Variants in ELL2 observed in about 807,000 individuals in gnomAD.
ELL2 encodes the protein RNA polymerase II elongation factor ELL2.
ELL2 carries 21 observed loss-of-function variants against 72.8 expected under a neutral mutation model. That is an observed-to-expected ratio of 0.29 (90% confidence interval 0.20 to 0.42). The LOEUF (loss-of-function observed/expected upper bound fraction) is 0.42, where lower values mean the gene tolerates loss of function less well. Among genes scored for constraint, ELL2 ranks in the 10% least tolerant of loss-of-function variants. The probability of loss-of-function intolerance (pLI) is 1.00; values close to 1 mark genes in which losing one functional copy is unlikely to be tolerated. For synonymous variants in ELL2, 266 were observed against 283.2 expected (o/e 0.94, Z 0.61); for missense variants, 568 against 772.8 (o/e 0.73, Z 3.14).
At chr5:95,902,257 C>T (rs1052556415) in intron 5 of ELL2, among the ~76,000 whole-genome samples, 10 of 152,226 alleles carry the variant, frequency 6.6e-5, no homozygotes, top group Non-Finnish European at 1.2e-4. Flanking sequence ...TGGATAACCA[C>T]GCTTGCTCCT....
At chr5:95,951,165 C>A (rs914629572) in intron 1 of ELL2, among the ~76,000 whole-genome samples, 3 of 151,090 alleles carry the variant, frequency 2.0e-5, no homozygotes, top group Non-Finnish European at 4.4e-5. Context: ...GTCAGGATAT[C>A]GAGACCATCC....
intron 5 of ELL2, among the ~76,000 whole-genome samples, chr5:95,901,408 C>T (rs888761285): frequency 3.0e-4 from 45 of 152,130 alleles, no homozygotes; most frequent in African/African-American, 1.1e-3. Flanking sequence ...AACAGTTGTA[C>T]AGTAGTCCCC....
rs189417348 is a variant in ELL2 at position 95,912,954 on chromosome 5, T to C, written c.481+817A>G. On this transcript the variant is annotated intron_variant, in intron 4 of 11. Coordinates refer to ENST00000237853, the MANE Select transcript of ELL2 (RefSeq NM_012081.6). Reference sequence around the variant, plus strand: ...TTTCCAAATTAATATCCTTTCATCATTTACTATAGAGTGACTTGTGTTATT... The same window carrying C: ...TTTCCAAATTAATATCCTTTCATCACTTACTATAGAGTGACTTGTGTTATT... Among the ~76,000 whole-genome samples, 23 of 152,352 alleles carry C rather than the reference T, an allele frequency of 1.5e-4. No homozygotes were observed. In the East Asian group the frequency reaches 4.4e-3, roughly 29 times the overall value.
chr5:95,889,097 T>C lies in ELL2; in HGVS notation c.1795A>G (p.Lys599Glu). Residue 599 changes from lysine (K) to glutamate (E), a missense_variant, in exon 11 of 12, where the codon AAG becomes GAG. Around this residue, in one of 2 missense-constraint regions of ELL2, gnomAD observed 511 missense variants for 728.4 expected, o/e 0.70. Transcript: ENST00000237853. The part of the protein sequence containing the change: ...VHEEVLQEYQ[K>E]IKQSSPNYHE... ...GTGATGATACCTACCTGCTTTATCT[T>C]CTGATATTCTTGTAAGACTTCTTCA... is the stretch of plus-strand genomic sequence containing the variant. The C allele has an allele frequency of 1.9e-6, 3 of 1,611,268 alleles. No individual in the cohort carries two copies. The highest frequency in any genetic ancestry group is 2.5e-6 in the Non-Finnish European group (3 of 1,178,636).
intron 2 of ELL2, among the ~76,000 whole-genome samples, chr5:95,934,906 C>A (rs1363499390): frequency 6.6e-6 from 1 of 152,086 alleles, no homozygotes; most frequent in Non-Finnish European, 1.5e-5. Flanking sequence ...TTATTTAACC[C>A]ATAAAGATGA....
chr5:95,947,576 C>A (rs1377106296), intron 1 of ELL2, among the ~76,000 whole-genome samples: 1 of 152,178 alleles, frequency 6.6e-6, no homozygotes, highest in Non-Finnish European at 1.5e-5. Context: ...ATTTCAGAGA[C>A]AGAATAAATA....
chr5:95,919,496 T>C lies in ELL2; in HGVS notation c.245A>G (p.Asn82Ser), dbSNP rs1371839853. ...NDPLNEVHNFNFYLSNVGKDN... is the reference protein window; with the variant it reads ...NDPLNEVHNFSFYLSNVGKDN... ...TTTGCCCACATTTGACAAATAAAAGTTAAAGTTATGAACTTCATTGAGGGG... is the reference window on the plus strand; with the variant it reads ...TTTGCCCACATTTGACAAATAAAAGCTAAAGTTATGAACTTCATTGAGGGG... Residue 82 changes from asparagine (N) to serine (S), a missense_variant, in exon 3 of 12, where the codon AAC (asparagine) becomes AGC (serine). Transcript: ENST00000237853. 1.3e-6 allele frequency: 2 copies of C among 1,587,082 alleles called. No homozygotes were observed. Among genetic ancestry groups the C allele is most frequent in the South Asian group, 2.3e-5 (2 of 86,016 alleles).
At chr5:95,903,843 C>A (rs893542990) in intron 5 of ELL2, among the ~76,000 whole-genome samples, 6 of 152,166 alleles carry the variant, frequency 3.9e-5, no homozygotes, top group African/African-American at 1.2e-4. Flanking sequence ...ATCCTCTTCT[C>A]CCCCTTAATC....
intron 5 of ELL2, among the ~76,000 whole-genome samples, chr5:95,903,450 C>T (rs1238916422): frequency 2.6e-5 from 4 of 151,670 alleles, no homozygotes; most frequent in African/African-American, 4.8e-5. Flanking sequence ...AGGCTAGTCT[C>T]GAATTCCTGA....
rs869036736 is a variant in ELL2, at chr5:95,950,904, GTATATATATATATA to G, written c.148-7869_148-7856del. ...TATATATATATGTATGTATGTATGTGTATATATATATATATATATATATATATATATATATATAT... is the reference window on the plus strand; with the variant it reads ...TATATATATATGTATGTATGTATGTGTATATATATATATATATATATATAT... On this transcript the variant is annotated intron_variant, in intron 1 of 11. Transcript: ENST00000237853. Among the ~76,000 whole-genome samples, 410 of 46,594 alleles carry G rather than the reference GTATATATATATATA, an allele frequency of 8.8e-3. 4 individuals are homozygous for G. The highest frequency in any genetic ancestry group is 0.012 in the South Asian group (12 of 968). 30.6% of individuals were successfully genotyped at this position (46,594 alleles called of 152,430 possible). A position where few individuals can be genotyped will look rare whatever the true frequency, so the allele number is the denominator to read the frequency against.
At chr5:95,915,134 C>T (rs1005570786) in intron 3 of ELL2, among the ~76,000 whole-genome samples, 2 of 152,130 alleles carry the variant, frequency 1.3e-5, no homozygotes, top group Admixed American at 6.5e-5. Flanking sequence ...GATGGAGTCT[C>T]GCTCTGTTGC....
At chr5:95,907,296 A>ATATATTTTTTTTTTTTTTTT in intron 4 of ELL2, among the ~76,000 whole-genome samples, 7 of 116,516 alleles carry the variant, frequency 6.0e-5, no homozygotes, top group African/African-American at 2.9e-4. Context: ...ATATATATAT[A>ATATATTTTTTTTTTTTTTTT]TTTTTTTTTT....
In ELL2 at chr5:95,919,911, T is replaced by C. The variant is rs139027338; in HGVS notation, c.196-366A>G. On this transcript the variant is annotated intron_variant, in intron 2 of 11. Transcript: ENST00000237853. ...CCTCTTTTGAGCAATACAAGTTTTG[T>C]CTTTGGCTTACATGACCCCCTTCTA... Among the ~76,000 whole-genome samples, 1,320 of 152,330 alleles carry C rather than the reference T, an allele frequency of 8.7e-3. 17 individuals are homozygous for C. Among genetic ancestry groups the C allele is most frequent in the African/African-American group, 0.031 (1,274 of 41,568 alleles).
chr5:95,933,192 A>C (rs1750657434), intron 2 of ELL2, among the ~76,000 whole-genome samples: 1 of 152,222 alleles, frequency 6.6e-6, no homozygotes, highest in Non-Finnish European at 1.5e-5. Flanking sequence ...ATAAGGCAGC[A>C]GCAGCTTTCT....
At chr5:95,951,472 T>C (rs1234314390) in intron 1 of ELL2, among the ~76,000 whole-genome samples, 1 of 152,194 alleles carries the variant, frequency 6.6e-6, no homozygotes, top group Non-Finnish European at 1.5e-5. Context: ...GGCCTTATAA[T>C]TGTATAATTA....
intron 1 of ELL2, among the ~76,000 whole-genome samples, chr5:95,956,296 T>C (rs1031249553): frequency 6.6e-6 from 1 of 152,196 alleles, no homozygotes; most frequent in Non-Finnish European, 1.5e-5. Flanking sequence ...CTGAATAAAC[T>C]TTCCAAACAC....
At chr5:95,937,853 A>G (rs150555846) in intron 2 of ELL2, among the ~76,000 whole-genome samples, 207 of 152,260 alleles carry the variant, frequency 1.4e-3, no homozygotes, top group Non-Finnish European at 2.7e-3. Context: ...AAACCAAAAC[A>G]TCAAGGGAAA....
intron 4 of ELL2, 45 bp downstream of exon 4, chr5:95,913,726 T>A: frequency 6.6e-7 from 1 of 1,503,764 alleles, no homozygotes. Context: ...TGATCTTGAA[T>A]TACTCCAATC....
chr5:95,914,951 T>C lies in ELL2; in HGVS notation c.318-1017A>G, dbSNP rs771477111. Among the ~76,000 whole-genome samples, 68 of 152,314 alleles carry C rather than the reference T, an allele frequency of 4.5e-4. 1 individual carries two copies. Among genetic ancestry groups the C allele is most frequent in the South Asian group, 1.0e-3 (5 of 4,828 alleles). On this transcript the variant is annotated intron_variant, in intron 3 of 11. Coordinates refer to ENST00000237853, the MANE Select transcript of ELL2 (RefSeq NM_012081.6). ...AAGTAACATGTTAATATTAGGGGGA[T>C]CATGGTCACAGTCATAACTGGTATT... is the stretch of plus-strand genomic sequence containing the variant.
Sources: gnomAD v4.1 joint callset for allele counts (sites outside exome capture counted in the v4.1 genomes callset) on GRCh38, gnomAD v4.1.1 for gene constraint, gnomAD v4.1.1 regional missense constraint, MANE v1.5 for transcripts, NCBI Gene and HGNC (gene_info 2026-07-23, HGNC 2026-07-21) for gene names.